CPA6: variants seen among roughly 807,000 people sequenced by gnomAD.
The protein encoded by CPA6 is carboxypeptidase A6.
CPA6 carries 58 observed loss-of-function variants against 63.3 expected under a neutral mutation model. The ratio of observed to expected loss-of-function variants is 0.92; its 90% CI spans 0.74 to 1.14. The LOEUF is 1.14. CPA6 is among the 50% of genes most tolerant of loss of function. The pLI, the probability that CPA6 is intolerant of heterozygous loss-of-function variation, is 0.00. For synonymous variants in CPA6, 185 were observed against 179.0 expected, an observed-to-expected ratio of 1.03 and a Z score of -0.27; for missense variants, 565 against 526.6, an observed-to-expected ratio of 1.07 and a Z score of -0.71.
intron 2 of CPA6, among the ~76,000 whole-genome samples, chr8:67,534,682 C>T (rs953822207): frequency 3.3e-5 from 5 of 152,058 alleles, no homozygotes; most frequent in Non-Finnish European, 7.4e-5. Flanking sequence ...GAGGTTGTAT[C>T]AGATATTAGT....
Position 67,603,491 on chromosome 8 carries a change from C to A in CPA6, c.192+20685G>T, listed in dbSNP as rs377450390. Among the ~76,000 whole-genome samples, 3 of 152,240 alleles carry A rather than the reference C, an allele frequency of 2.0e-5. No individual in the cohort carries two copies. In the South Asian group the frequency reaches 6.2e-4, roughly 32 times the overall value. On this transcript the variant is annotated intron_variant, in intron 2 of 10. Coordinates refer to ENST00000297770, the MANE Select transcript of CPA6 (RefSeq NM_020361.5). ...AATGTCATTAAAAGGAAGACAGGAT[C>A]TATATGTTTAAAATGGCTAAGTGGA...
At chr8:67,680,310 G>A (rs535631493) in intron 1 of CPA6, among the ~76,000 whole-genome samples, 8 of 152,002 alleles carry the variant, frequency 5.3e-5, no homozygotes, top group East Asian at 1.9e-4. Context: ...AAGAACAGCC[G>A]GGGAAACATT....
intron 1 of CPA6, among the ~76,000 whole-genome samples, chr8:67,648,215 A>G (rs1563376335): frequency 6.6e-6 from 1 of 150,846 alleles, no homozygotes; most frequent in Non-Finnish European, 1.5e-5. Flanking sequence ...TGTTTAGAGA[A>G]TAGATGAAAG....
chr8:67,521,273 C>T (rs1266004506), intron 2 of CPA6, among the ~76,000 whole-genome samples: 1 of 152,248 alleles, frequency 6.6e-6, no homozygotes, highest in African/African-American at 2.4e-5. Context: ...CACATATATA[C>T]AGACATATTT....
At chr8:67,587,356 G>A (rs1473447903) in intron 2 of CPA6, among the ~76,000 whole-genome samples, 1 of 152,178 alleles carries the variant, frequency 6.6e-6, no homozygotes, top group Non-Finnish European at 1.5e-5. Context: ...AAAAATGCCT[G>A]TTGGGGATCA....
intron 1 of CPA6, among the ~76,000 whole-genome samples, chr8:67,642,320 A>C (rs1815611125): frequency 1.5e-5 from 1 of 64,956 alleles, no homozygotes; most frequent in African/African-American, 8.0e-5. Flanking sequence ...TCCATCTCAA[A>C]AAAAAAAAAA....
chr8:67,442,362 T>C (rs912095829), intron 8 of CPA6, among the ~76,000 whole-genome samples: 7 of 151,704 alleles, frequency 4.6e-5, no homozygotes, highest in African/African-American at 1.7e-4. Flanking sequence ...TATAATGTAA[T>C]ATGTAATATA....
intron 1 of CPA6, among the ~76,000 whole-genome samples, chr8:67,643,570 A>C (rs1465764862): frequency 6.6e-6 from 1 of 152,156 alleles, no homozygotes; most frequent in Admixed American, 6.5e-5. Context: ...TCAACTGAGC[A>C]ATAAAAACAA....
chr8:67,632,148 CTG>C (rs35463897), intron 1 of CPA6, among the ~76,000 whole-genome samples: 46,009 of 147,428 alleles, frequency 0.31, 7,148 homozygotes, highest in East Asian at 0.47. Flanking sequence ...AAAAATGATG[CTG>C]TGTGTGTGTG....
chr8:67,727,569 G>C (rs1327558016), intron 1 of CPA6, among the ~76,000 whole-genome samples: 1 of 152,144 alleles, frequency 6.6e-6, no homozygotes, highest in Non-Finnish European at 1.5e-5. Flanking sequence ...AACCAGGAAG[G>C]ATTAATCACC....
chr8:67,516,535 C>T (rs1303462539), intron 3 of CPA6, among the ~76,000 whole-genome samples: 3 of 152,192 alleles, frequency 2.0e-5, no homozygotes, highest in East Asian at 1.9e-4. Flanking sequence ...TTCTCTGCTT[C>T]GCTAATTCTA....
intron 2 of CPA6, among the ~76,000 whole-genome samples, chr8:67,601,101 C>T (rs1814485963): frequency 6.6e-6 from 1 of 152,174 alleles, no homozygotes; most frequent in Admixed American, 6.5e-5. Flanking sequence ...TACAAATCCT[C>T]ATTTGTAATA....
intron 2 of CPA6, among the ~76,000 whole-genome samples, chr8:67,534,765 C>T (rs923958779): frequency 1.3e-5 from 2 of 151,986 alleles, no homozygotes; most frequent in South Asian, 2.1e-4. Flanking sequence ...GTGTGCAGAA[C>T]GTGCAGGTTT....
intron 1 of CPA6, among the ~76,000 whole-genome samples, chr8:67,648,897 T>C (rs1025752261): frequency 2.0e-5 from 3 of 152,114 alleles, no homozygotes; most frequent in African/African-American, 7.2e-5. Flanking sequence ...CAGGCTCTGT[T>C]TATGTTCTTG....
In CPA6 at chr8:67,498,692, C is replaced by T. The variant is rs140322353; in HGVS notation, c.636+8095G>A. Among the ~76,000 whole-genome samples, 252 of 152,182 alleles carry T rather than the reference C, an allele frequency of 1.7e-3. 3 individuals carry two copies. The highest frequency in any genetic ancestry group is 0.012 in the East Asian group (64 of 5,188). On this transcript the variant is annotated intron_variant, in intron 6 of 10. Transcript: ENST00000297770. ...ATCTTTTTCCTCTCCCCTCAAAGTCCCATGGCACCATAAATATCATATGAT... is the reference window on the plus strand; with the variant it reads ...ATCTTTTTCCTCTCCCCTCAAAGTCTCATGGCACCATAAATATCATATGAT...
chr8:67,671,906 C>A (rs980849798), intron 1 of CPA6, among the ~76,000 whole-genome samples: 1 of 152,136 alleles, frequency 6.6e-6, no homozygotes, highest in Non-Finnish European at 1.5e-5. Flanking sequence ...TCTTGGCTCA[C>A]TGCAACCTCT....
intron 2 of CPA6, among the ~76,000 whole-genome samples, chr8:67,595,487 T>C (rs893325899): frequency 6.6e-6 from 1 of 152,166 alleles, no homozygotes; most frequent in African/African-American, 2.4e-5. Context: ...CCCCCAGAGG[T>C]GGAGACTACA....
intron 1 of CPA6, among the ~76,000 whole-genome samples, chr8:67,700,026 G>A (rs1321502391): frequency 1.3e-5 from 2 of 152,130 alleles, no homozygotes; most frequent in South Asian, 2.1e-4. Context: ...AGAGATCCAC[G>A]ACTCAAAAGG....
intron 1 of CPA6, among the ~76,000 whole-genome samples, chr8:67,676,189 G>T (rs1193607288): frequency 1.3e-5 from 2 of 152,170 alleles, no homozygotes; most frequent in Non-Finnish European, 2.9e-5. Context: ...CAGGGAGATG[G>T]AAGAAGATTT....
Sources: gnomAD v4.1 joint callset for allele counts (sites outside exome capture counted in the v4.1 genomes callset) on GRCh38, gnomAD v4.1.1 for gene constraint, MANE v1.5 for transcripts, NCBI Gene and HGNC (gene_info 2026-07-23, HGNC 2026-07-21) for gene names.